Variants in SLIT3 observed in about 807,000 individuals in gnomAD.
SLIT3 encodes slit guidance ligand 3.
SLIT3 carries 68 observed loss-of-function variants against 184.0 expected under a neutral mutation model. That is an observed-to-expected ratio of 0.37 (90% CI 0.30 to 0.45). The LOEUF is 0.45. Ranked by LOEUF, SLIT3 falls within the 20% of genes least tolerant of loss-of-function variation. SLIT3 has a pLI of 1.00. For missense variants in SLIT3, 1,707 were observed against 2,026.0 expected (o/e 0.84, Z 3.02); for synonymous variants, 831 against 828.6 (o/e 1.00, Z -0.05).
At chr5:169,125,883 T>G (rs899511291) in intron 4 of SLIT3, among the ~76,000 whole-genome samples, 2 of 152,176 alleles carry the variant, frequency 1.3e-5, no homozygotes, top group African/African-American at 4.8e-5. Flanking sequence ...TTATCTTTCC[T>G]CAGGTAGAGA....
At chr5:169,220,301 T>C (rs1438481585) in intron 3 of SLIT3, among the ~76,000 whole-genome samples, 1 of 147,800 alleles carries the variant, frequency 6.8e-6, no homozygotes, top group African/African-American at 2.5e-5. Context: ...AACTGGAAGA[T>C]GGATCCTAGC....
intron 20 of SLIT3, among the ~76,000 whole-genome samples, chr5:168,730,413 G>C (rs1763258755): frequency 6.6e-6 from 1 of 151,940 alleles, no homozygotes; most frequent in Admixed American, 6.6e-5. Flanking sequence ...ACCCAACAAT[G>C]ACAGAATATA....
chr5:168,853,655 A>C (rs1758755453), intron 5 of SLIT3, among the ~76,000 whole-genome samples: 1 of 152,234 alleles, frequency 6.6e-6, no homozygotes, highest in African/African-American at 2.4e-5. Context: ...AGAAGAAGAA[A>C]GTGAGGCATT....
chr5:169,079,961 A>G (rs1391573755), intron 4 of SLIT3, among the ~76,000 whole-genome samples: 1 of 149,364 alleles, frequency 6.7e-6, no homozygotes, highest in African/African-American at 2.5e-5. Flanking sequence ...AGAAGGAAGA[A>G]GAGGAGGAGA....
chr5:169,023,213 C>G (rs781074841), intron 4 of SLIT3, among the ~76,000 whole-genome samples: 1 of 152,076 alleles, frequency 6.6e-6, no homozygotes, highest in Non-Finnish European at 1.5e-5. Flanking sequence ...ACTGAAGATC[C>G]TGAACACTCA....
At chr5:168,844,034 A>C (rs1197144268) in intron 6 of SLIT3, among the ~76,000 whole-genome samples, 1 of 113,752 alleles carries the variant, frequency 8.8e-6, no homozygotes, top group Non-Finnish European at 1.6e-5. Flanking sequence ...TTAAAGTTTG[A>C]ATTGAAGCCT....
chr5:169,281,805 G>A (rs1767004880), intron 1 of SLIT3, among the ~76,000 whole-genome samples: 1 of 152,138 alleles, frequency 6.6e-6, no homozygotes, highest in Non-Finnish European at 1.5e-5. Context: ...ACACAATTAT[G>A]TTGCTTTATT....
rs1016902196 is a variant in SLIT3, at chr5:168,851,758, T to C, written c.486-7103A>G. Among the ~76,000 whole-genome samples the C allele has an allele frequency of 7.2e-5, 11 of 152,228 alleles. 1 individual carries two copies. Among genetic ancestry groups the C allele is most frequent in the African/African-American group, 2.4e-4 (10 of 41,462 alleles). On this transcript the variant is annotated intron_variant, in intron 5 of 35. Transcript: ENST00000519560. The stretch of plus-strand genomic sequence containing the variant: ...TTCCAGGCCAACTGCGATGGCTGCT[T>C]ACCCTGTTATACCCCATGGGGCTGA...
chr5:169,118,763 T>C (rs1473428600), intron 4 of SLIT3, among the ~76,000 whole-genome samples: 1 of 152,252 alleles, frequency 6.6e-6, no homozygotes, highest in Non-Finnish European at 1.5e-5. Context: ...TGATAGTGAC[T>C]TGCTTTAAGA....
intron 4 of SLIT3, chr5:169,024,513 G>A (rs1383301068): frequency 6.6e-6 from 1 of 152,230 alleles, no homozygotes; most frequent in African/African-American, 2.4e-5. Context: ...ACGTCTGGGA[G>A]ACTTTTAAGG....
At chr5:168,921,768 T>A (rs543069591) in intron 4 of SLIT3, among the ~76,000 whole-genome samples, 2 of 152,214 alleles carry the variant, frequency 1.3e-5, no homozygotes, top group African/African-American at 4.8e-5. Flanking sequence ...ATCATAATGA[T>A]GGAATGACAA....
chr5:168,854,983 C>A (rs1332221202), intron 5 of SLIT3, among the ~76,000 whole-genome samples: 1 of 152,204 alleles, frequency 6.6e-6, no homozygotes, highest in Admixed American at 6.5e-5. Context: ...TAATACACAG[C>A]ATGGAAATAC....
intron 32 of SLIT3, among the ~76,000 whole-genome samples, chr5:168,674,967 A>G (rs1051507527): frequency 6.6e-6 from 1 of 152,180 alleles, no homozygotes; most frequent in African/African-American, 2.4e-5. Flanking sequence ...AGATGAAGAC[A>G]CCGAGGCCCA....
chr5:169,082,566 G>C (rs1349178713), intron 4 of SLIT3, among the ~76,000 whole-genome samples: 1 of 147,082 alleles, frequency 6.8e-6, no homozygotes, highest in African/African-American at 2.5e-5. Context: ...AAAAGTACCT[G>C]TCTCTATGTG....
chr5:168,755,363 G>C (rs1754855567), intron 16 of SLIT3, among the ~76,000 whole-genome samples: 1 of 144,270 alleles, frequency 6.9e-6, no homozygotes, highest in South Asian at 2.3e-4. Context: ...AAGTGAGCTT[G>C]GTCCTATCAA....
intron 4 of SLIT3, among the ~76,000 whole-genome samples, chr5:169,062,372 C>CA (rs1758202244): frequency 6.6e-6 from 1 of 152,196 alleles, no homozygotes; most frequent in Non-Finnish European, 1.5e-5. Context: ...GCTACATAGA[C>CA]ACCCAGGAAT....
chr5:169,191,801 A>G (rs1763559435), intron 4 of SLIT3, among the ~76,000 whole-genome samples: 1 of 152,046 alleles, frequency 6.6e-6, no homozygotes, highest in South Asian at 2.1e-4. Flanking sequence ...AATGGCCATC[A>G]CCTGATAGCC....
intron 3 of SLIT3, among the ~76,000 whole-genome samples, chr5:169,206,921 T>C (rs1581054734): frequency 6.6e-6 from 1 of 152,218 alleles, no homozygotes; most frequent in Non-Finnish European, 1.5e-5. Context: ...TTTCTTTTGC[T>C]AGAAAAGGAA....
intron 32 of SLIT3, among the ~76,000 whole-genome samples, chr5:168,678,638 G>A (rs569543804): frequency 3.3e-5 from 5 of 152,118 alleles, no homozygotes; most frequent in Admixed American, 6.5e-5. Flanking sequence ...AGCCAAGATC[G>A]CGCTACTGCA....
Sources: allele counts gnomAD v4.1 joint callset (sites outside exome capture counted in the v4.1 genomes callset), GRCh38; gene constraint gnomAD v4.1.1; transcripts MANE v1.5; gene names NCBI Gene and HGNC (gene_info 2026-07-23, HGNC 2026-07-21).